NDUFAF2: variants seen among roughly 807,000 people sequenced by gnomAD.
The protein encoded by NDUFAF2 is NADH:ubiquinone oxidoreductase complex assembly factor 2.
In NDUFAF2, 13 loss-of-function variants were observed where a neutral mutation model predicts 22.8. The ratio of observed to expected loss-of-function variants is 0.57; its 90% CI spans 0.37 to 0.91. The LOEUF is 0.91. Ranked by LOEUF, NDUFAF2 falls within the 40% of genes least tolerant of loss-of-function variation. The pLI is 0.01. For missense variants in NDUFAF2, 162 were observed against 195.2 expected (o/e 0.83, Z 1.01); for synonymous variants, 53 against 64.2 (o/e 0.83, Z 0.84).
chr5:61,028,964 AGTCTTGTGGCTTACTCTTTGCC>A (rs148366716), intron 1 of NDUFAF2, among the ~76,000 whole-genome samples: 7,124 of 150,694 alleles, frequency 0.047, 561 homozygotes, highest in African/African-American at 0.16. Context: ...TACTCTTTGC[AGTCTTGTGGCTTACTCTTTGCC>A]GTCTTATGGA....
intron 3 of NDUFAF2, among the ~76,000 whole-genome samples, chr5:61,117,256 T>C (rs995052379): frequency 1.3e-5 from 2 of 152,302 alleles, no homozygotes; most frequent in East Asian, 3.9e-4. Flanking sequence ...ACTATGACCA[T>C]AAACATCAGC....
chr5:60,995,896 T>A (rs1751222827), intron 1 of NDUFAF2, among the ~76,000 whole-genome samples: 1 of 152,160 alleles, frequency 6.6e-6, no homozygotes, highest in African/African-American at 2.4e-5. Context: ...TCCTTCCCAA[T>A]GTCCCTCCCC....
At chr5:60,988,750 C>T (rs961342111) in intron 1 of NDUFAF2, among the ~76,000 whole-genome samples, 2 of 152,140 alleles carry the variant, frequency 1.3e-5, no homozygotes, top group African/African-American at 4.8e-5. Flanking sequence ...AAACTGGACC[C>T]CTTTCTTACA....
chr5:61,100,536 TAC>T (rs10543246), intron 3 of NDUFAF2, among the ~76,000 whole-genome samples: 21,062 of 149,682 alleles, frequency 0.14, 1,916 homozygotes, highest in Non-Finnish European at 0.2. Context: ...CCCTCCCTAA[TAC>T]ACACACACAC....
intron 2 of NDUFAF2, among the ~76,000 whole-genome samples, chr5:61,088,686 C>T (rs1752533258): frequency 6.6e-6 from 1 of 152,078 alleles, no homozygotes; most frequent in African/African-American, 2.4e-5. Flanking sequence ...TTAATAATAT[C>T]CCTAAGATAT....
At chr5:60,994,185 A>C (rs1411955335) in intron 1 of NDUFAF2, among the ~76,000 whole-genome samples, 1 of 152,238 alleles carries the variant, frequency 6.6e-6, no homozygotes, top group Non-Finnish European at 1.5e-5. Flanking sequence ...CTCAGTCCCA[A>C]ACTTGCTTCA....
chr5:61,073,235 G>T, intron 2 of NDUFAF2, 21 bp downstream of exon 2: 1 of 1,506,294 alleles, frequency 6.6e-7, no homozygotes, highest in South Asian at 1.1e-5. Flanking sequence ...GCTTTTAGTA[G>T]AATCTCATGG....
At chr5:60,975,548 C>T (rs1750891314) in intron 1 of NDUFAF2, among the ~76,000 whole-genome samples, 1 of 152,044 alleles carries the variant, frequency 6.6e-6, no homozygotes, top group South Asian at 2.1e-4. Flanking sequence ...GAGTTATTAA[C>T]AATAGATGGT....
intron 1 of NDUFAF2, among the ~76,000 whole-genome samples, chr5:60,991,194 G>A (rs576173525): frequency 1.4e-3 from 211 of 151,992 alleles, no homozygotes; most frequent in Non-Finnish European, 2.5e-3. Flanking sequence ...AAAAATGTTT[G>A]TGGGTACATA....
intron 1 of NDUFAF2, among the ~76,000 whole-genome samples, chr5:60,950,676 A>C (rs1310498288): frequency 6.9e-6 from 1 of 144,954 alleles, no homozygotes; most frequent in Non-Finnish European, 1.5e-5. Flanking sequence ...TGGAATGATC[A>C]TGTGGTGAAT....
chr5:61,022,953 G>A (rs375476416), intron 1 of NDUFAF2, among the ~76,000 whole-genome samples: 2 of 152,058 alleles, frequency 1.3e-5, no homozygotes, highest in African/African-American at 4.8e-5. Flanking sequence ...CCTGCCTTTA[G>A]TGTGTTACAT....
At chr5:61,004,559 A>G (rs939385917) in intron 1 of NDUFAF2, among the ~76,000 whole-genome samples, 1 of 152,282 alleles carries the variant, frequency 6.6e-6, no homozygotes, top group African/African-American at 2.4e-5. Context: ...TTTAGCTGGA[A>G]TAACATGAAA....
At chr5:61,127,254 G>C (rs2111807150) in intron 3 of NDUFAF2, among the ~76,000 whole-genome samples, 1 of 152,128 alleles carries the variant, frequency 6.6e-6, no homozygotes. Flanking sequence ...CCAATCAATA[G>C]AAAAAGAAGG....
At chr5:60,962,088 A>G (rs1313253087) in intron 1 of NDUFAF2, among the ~76,000 whole-genome samples, 2 of 152,052 alleles carry the variant, frequency 1.3e-5, no homozygotes, top group Non-Finnish European at 2.9e-5. Flanking sequence ...CACCATAAAT[A>G]TATGTATACA....
chr5:61,098,611 A>G (rs1325267706), intron 2 of NDUFAF2, among the ~76,000 whole-genome samples: 1 of 152,212 alleles, frequency 6.6e-6, no homozygotes, highest in African/African-American at 2.4e-5. Context: ...AATTTCCAGA[A>G]TAATATAATT....
At chr5:61,034,541 G>A (rs145537380) in intron 1 of NDUFAF2, among the ~76,000 whole-genome samples, 3 of 152,252 alleles carry the variant, frequency 2.0e-5, no homozygotes, top group African/African-American at 7.2e-5. Flanking sequence ...CAAAATGTTG[G>A]TGTGTGGTTC....
Position 61,020,659 on chromosome 5 carries a change from C to G in NDUFAF2, c.128-52466C>G, listed in dbSNP as rs115746410. Reference sequence around the variant, plus strand: ...CTCCAACTCCAGGGCTTAAGCAATCCTCCTACTTCAGCCTCCTGAGTAGCT... The same window carrying G: ...CTCCAACTCCAGGGCTTAAGCAATCGTCCTACTTCAGCCTCCTGAGTAGCT... On this transcript the variant is annotated intron_variant, in intron 1 of 3. Coordinates refer to ENST00000296597, the MANE Select transcript of NDUFAF2 (RefSeq NM_174889.5). Among the ~76,000 whole-genome samples, 1,162 of 152,022 alleles carry G rather than the reference C, an allele frequency of 7.6e-3. 16 individuals are homozygous for G. Among genetic ancestry groups the G allele is most frequent in the African/African-American group, 0.026 (1,089 of 41,468 alleles).
chr5:60,988,792 G>A lies in NDUFAF2; in HGVS notation c.127+43410G>A, dbSNP rs116831741. Reference sequence around the variant, plus strand: ...ATAAAAGCCAACTCAAGAATATAACGCTGTAAATGCAAAATCTAAAACTAT... The same window carrying A: ...ATAAAAGCCAACTCAAGAATATAACACTGTAAATGCAAAATCTAAAACTAT... On this transcript the variant is annotated intron_variant, in intron 1 of 3. Coordinates refer to ENST00000296597, the MANE Select transcript of NDUFAF2 (RefSeq NM_174889.5). Among the ~76,000 whole-genome samples, 1,101 of 151,912 alleles carry A rather than the reference G, an allele frequency of 7.2e-3. 11 individuals carry two copies. The highest frequency in any genetic ancestry group is 0.026 in the African/African-American group (1,059 of 41,486).
chr5:60,973,883 C>T (rs1464130587), intron 1 of NDUFAF2, among the ~76,000 whole-genome samples: 1 of 152,148 alleles, frequency 6.6e-6, no homozygotes, highest in African/African-American at 2.4e-5. Flanking sequence ...TGGCTCACTG[C>T]AACCTTTGCC....
Sources: allele counts gnomAD v4.1 joint callset (sites outside exome capture counted in the v4.1 genomes callset), GRCh38; gene constraint gnomAD v4.1.1; transcripts MANE v1.5; gene names NCBI Gene and HGNC (gene_info 2026-07-23, HGNC 2026-07-21).